TSC2: variants seen among roughly 807,000 people sequenced by gnomAD.
TSC2 encodes tuberin.
In TSC2, 29 loss-of-function variants were observed where a neutral mutation model predicts 202.2. The ratio of observed to expected loss-of-function variants is 0.14; its 90% CI spans 0.11 to 0.20. The LOEUF (loss-of-function observed/expected upper bound fraction) is 0.20, where lower values mean the gene tolerates loss of function less well. Ranked by LOEUF, TSC2 falls within the 10% of genes least tolerant of loss-of-function variation. TSC2 has a pLI of 1.00. For synonymous variants in TSC2, 1,349 were observed against 1,044.0 expected (o/e 1.29, Z -5.63); for missense variants, 2,429 against 2,420.0 (o/e 1.00, Z -0.08).
At chr16:2,054,578 C>T (rs1937264904) in intron 5 of TSC2, 138 bp downstream of exon 5, 1 of 1,282,544 alleles carries the variant, frequency 7.8e-7, no homozygotes, top group Non-Finnish European at 1.1e-6. Context: ...GCTTCATGCA[C>T]CTGGGCTCAC....
chr16:2,081,508 A>G lies in TSC2; in HGVS notation c.3611-87A>G, dbSNP rs539842227. On this transcript the variant is annotated intron_variant, in intron 30 of 41. Transcript: ENST00000219476. ...TGGGAGGGAGCATGAGGGCAAAACCAGGGCCCAGGCCAGGAGGCCCCTGGG... is the reference window on the plus strand; with the variant it reads ...TGGGAGGGAGCATGAGGGCAAAACCGGGGCCCAGGCCAGGAGGCCCCTGGG... 4 of 1,563,806 alleles carry G rather than the reference A, an allele frequency of 2.6e-6. No individual in the cohort carries two copies. The African/African-American group carries it at 4.1e-5, about 16-fold the overall frequency.
intron 20 of TSC2, 160 bp downstream of exon 20, chr16:2,072,523 TG>T (rs2088621814): frequency 3.4e-6 from 4 of 1,186,472 alleles, no homozygotes; most frequent in Non-Finnish European, 4.7e-6. Context: ...TTGGGCAGGG[TG>T]GAGGGACCCC....
chr16:2,064,542 T>C, intron 15 of TSC2, 115 bp downstream of exon 15: 1 of 1,515,076 alleles, frequency 6.6e-7, no homozygotes, highest in Non-Finnish European at 9.0e-7. Flanking sequence ...TGTCCGTAGG[T>C]GAGGCTCCCC....
chr16:2,064,649 T>C (rs1237819332), intron 15 of TSC2: 1 of 689,614 alleles, frequency 1.5e-6, no homozygotes, highest in Non-Finnish European at 2.4e-6. Context: ...CCTGTCACAC[T>C]CTGGGACAGC....
At position 2,076,084 on chromosome 16, in the gene TSC2, G is replaced by C. The variant is rs999523698; in HGVS notation, c.2656G>C (p.Val886Leu). ...TNPSKFNQYI[V>L]CLAHHVIAMW... ...TCATCTCAGGTTTAATCAGTACATC[G>C]TGTGTCTGGCCCATCACGTCATAGC... Residue 886 changes from valine to leucine, a missense_variant, in exon 24 of 42, where the codon GTG becomes CTG. Coordinates refer to ENST00000219476, the MANE Select transcript of TSC2 (RefSeq NM_000548.5). 1.2e-6 allele frequency: 2 copies of C among 1,613,890 alleles called. No homozygotes were observed. The highest frequency in any genetic ancestry group is 1.7e-6 in the Non-Finnish European group (2 of 1,180,022).
chr16:2,079,263 C>T lies in TSC2; in HGVS notation c.3132-13C>T, dbSNP rs371948435. On this transcript the variant is annotated splice_polypyrimidine_tract_variant and intron_variant, in intron 27 of 41. Coordinates refer to ENST00000219476, the MANE Select transcript of TSC2 (RefSeq NM_000548.5). This position sits in a 1 kb window ranked among gnomAD's most constrained non-coding sequence, Gnocchi z 4.6. Reference sequence around the variant, plus strand: ...CCACGGGCAAGCTGGGTTTCACGCTCCCTGTCTTCTAGGTCTCCTGTGGGC... The same window carrying T: ...CCACGGGCAAGCTGGGTTTCACGCTTCCTGTCTTCTAGGTCTCCTGTGGGC... The T allele has an allele frequency of 7.2e-5, 116 of 1,612,878 alleles. No individual in the cohort carries two copies. The highest frequency in any genetic ancestry group is 9.5e-5 in the Non-Finnish European group (112 of 1,180,036).
At chr16:2,056,595 G>A (rs541227019) in intron 7 of TSC2, 49 bp from the exon 8 acceptor site, 3 of 1,600,532 alleles carry the variant, frequency 1.9e-6, no homozygotes, top group Middle Eastern at 1.9e-4. Flanking sequence ...CCTCTCCTGT[G>A]GGGAGGAGCT....
In TSC2 at chr16:2,064,331, C is replaced by A; in HGVS notation, c.1503C>A (p.Asp501Glu). The part of the protein sequence containing the change: ...SQLSHIPEDK[D>E]HQVRKLATQL... ...TCTCCCACATCCCCGAGGATAAAGA[C>A]CACCAGGTCCGAAAGCTGGCCACCC... Residue 501 changes from aspartate (D) to glutamate (E), a missense_variant, in exon 15 of 42, where the codon GAC becomes GAA. Coordinates refer to ENST00000219476, the MANE Select transcript of TSC2 (RefSeq NM_000548.5). 1 of 1,613,850 alleles carries A rather than the reference C, an allele frequency of 6.2e-7. No individual in the cohort carries two copies.
chr16:2,055,315 T>C, intron 5 of TSC2, 87 bp from the exon 6 acceptor site: 1 of 1,038,450 alleles, frequency 9.6e-7, no homozygotes. Context: ...GTGACGGGTT[T>C]GGACACACTG....
rs941867219 is a variant in TSC2, at chr16:2,088,698, G to C, written c.*88G>C. On this transcript the variant is annotated 3_prime_UTR_variant, in exon 42 of 42. Coordinates refer to ENST00000219476, the MANE Select transcript of TSC2 (RefSeq NM_000548.5). ...GTCCTGACCCCAGTGCACAGACATAGAGGCACAGATTGCAGTCAGACAGCT... is the reference window on the plus strand; with the variant it reads ...GTCCTGACCCCAGTGCACAGACATACAGGCACAGATTGCAGTCAGACAGCT... The C allele has an allele frequency of 1.3e-6, 2 of 1,491,488 alleles. No individual in the cohort carries two copies. Among genetic ancestry groups the C allele is most frequent in the African/African-American group, 1.4e-5 (1 of 71,800 alleles). The allele number at this position is 1,491,488 out of a possible 1,614,324, so 92.4% of individuals were successfully genotyped here. A position where few individuals can be genotyped will look rare whatever the true frequency, so the allele number is the denominator to read the frequency against.
In TSC2 at chr16:2,086,788, G is replaced by C. The variant is rs45482398; in HGVS notation, c.4906G>C (p.Asp1636His). 1 of 1,611,518 alleles carries C rather than the reference G, an allele frequency of 6.2e-7. No individual in the cohort carries two copies. Among genetic ancestry groups the C allele is most frequent in the Non-Finnish European group, 8.5e-7 (1 of 1,179,862 alleles). ...PTKDVDKHRC[D>H]KKRHLGNDFV... ...CAAGGACGTGGACAAGCACCGCTGC[G>C]ACAAGAAGCGCCACCTGGGCAACGA... is the stretch of plus-strand genomic sequence containing the variant. The change falls in exon 38 of 42, where the codon GAC becomes CAC. Residue 1636 changes from aspartate to histidine, a missense_variant. Transcript: ENST00000219476.
rs1596347570 is a variant in TSC2 at position 2,072,343 on chromosome 16, T to A, written c.2200T>A (p.Cys734Ser). ...FTSPCSVDQL[C>S]SALCSMLSGP... ...TTCCCCTTGCAGTGTGGACCAGCTG[T>A]GCTCTGCTCTCTGCTCCATGGTACC... Residue 734 changes from cysteine to serine, a missense_variant, in exon 20 of 42, where the codon TGC becomes AGC. Physicochemically the swap from Cys to Ser is moderately radical, Grantham distance 112. Coordinates refer to ENST00000219476, the MANE Select transcript of TSC2 (RefSeq NM_000548.5). 6.2e-7 allele frequency: 1 copy of A among 1,614,116 alleles called. No homozygotes were observed. The highest frequency in any genetic ancestry group is 2.2e-5 in the East Asian group (1 of 44,872).
At chr16:2,077,877 G>T (rs937253511) in intron 26 of TSC2, 151 bp downstream of exon 26, 4 of 1,389,712 alleles carry the variant, frequency 2.9e-6, no homozygotes, top group Admixed American at 1.9e-5. Context: ...GGGGTGGAAA[G>T]GTTGCATTCT....
At chr16:2,072,100 G>T (rs564277534) in intron 19 of TSC2, 141 bp from the exon 20 acceptor site, 4 of 1,525,716 alleles carry the variant, frequency 2.6e-6, no homozygotes, top group East Asian at 2.4e-5. Flanking sequence ...AGAGGCCTGC[G>T]CTGGGCAGGC....
intron 3 of TSC2, among the ~76,000 whole-genome samples, chr16:2,051,328 A>G: frequency 6.6e-6 from 1 of 152,050 alleles, no homozygotes; most frequent in Non-Finnish European, 1.5e-5. Flanking sequence ...TCAAAAAAAA[A>G]AAAAAGGAAG....
At position 2,088,292 on chromosome 16, in the gene TSC2, CCGGCTCCGCCACATCAAG is replaced by C. The variant is rs137854218; in HGVS notation, c.5238_5255del (p.His1746_Arg1751del). 6.2e-7 allele frequency: 1 copy of C among 1,612,912 alleles called. No individual in the cohort carries two copies. The highest frequency in any genetic ancestry group is 1.1e-5 in the South Asian group (1 of 91,084). ...ATATCTACCCCTCCAAGTGGATTGC[CCGGCTCCGCCACATCAAG>C]CGGCTCCGCCAGCGGGTAGGGAATA... is the stretch of plus-strand genomic sequence containing the variant. On this transcript the variant is annotated inframe_deletion, in exon 41 of 42. Coordinates refer to ENST00000219476, the MANE Select transcript of TSC2 (RefSeq NM_000548.5).
intron 14 of TSC2, 154 bp downstream of exon 14, chr16:2,063,207 T>C: frequency 1.1e-6 from 1 of 904,996 alleles, no homozygotes; most frequent in Non-Finnish European, 1.7e-6. Context: ...TGTTTACCCC[T>C]GTTCATTCAC....
At position 2,070,389 on chromosome 16, in the gene TSC2, A is replaced by G. The variant is rs182404389; in HGVS notation, c.1717-67A>G. 1.0e-3 allele frequency: 1,686 copies of G among 1,612,698 alleles called. 23 individuals carry two copies. The African/African-American group carries it at 0.02, about 19-fold the overall frequency. On this transcript the variant is annotated intron_variant, in intron 16 of 41. Coordinates refer to ENST00000219476, the MANE Select transcript of TSC2 (RefSeq NM_000548.5). ...GCCGCCCCGGCCCCTGCTCCGGGAC[A>G]AGGGTGCTGTCTTAGGACTGCGTTT...
In TSC2 at chr16:2,079,273, T is replaced by C. The variant is rs2089821106; in HGVS notation, c.3132-3T>C. ...GCTGGGTTTCACGCTCCCTGTCTTC[T>C]AGGTCTCCTGTGGGCGAGTTCCTCC... On this transcript the variant is annotated splice_region_variant and splice_polypyrimidine_tract_variant and intron_variant, in intron 27 of 41. Transcript: ENST00000219476. The surrounding 1 kb of genome is among the most constrained non-coding windows in gnomAD (Gnocchi z 4.6). 2 of 1,612,916 alleles carry C rather than the reference T, an allele frequency of 1.2e-6. No homozygotes were observed. The highest frequency in any genetic ancestry group is 1.1e-5 in the South Asian group (1 of 91,074).
Sources: allele counts gnomAD v4.1 joint callset (sites outside exome capture counted in the v4.1 genomes callset), GRCh38; gene constraint gnomAD v4.1.1; non-coding constraint Gnocchi (gnomAD v3.1); transcripts MANE v1.5; gene names NCBI Gene and HGNC (gene_info 2026-07-23, HGNC 2026-07-21).